The following PTPRT variants were observed in gnomAD, a reference collection of about 807,000 sequenced individuals.
PTPRT encodes protein tyrosine phosphatase receptor type T, also known as receptor-type tyrosine-protein phosphatase T.
A neutral mutation model predicts 176.8 loss-of-function variants in PTPRT; 56 were observed. The observed-to-expected ratio is 0.32, with a 90% CI of 0.26 to 0.40. PTPRT has a LOEUF of 0.40. Among genes scored for constraint, PTPRT ranks in the 10% least tolerant of loss-of-function variants. The probability of loss-of-function intolerance (pLI) is 1.00; values close to 1 mark genes in which losing one functional copy is unlikely to be tolerated. For missense variants in PTPRT, 1,540 were observed against 1,908.2 expected (o/e 0.81, Z 3.60); for synonymous variants, 783 against 739.0 (o/e 1.06, Z -0.96).
chr20:42,560,657 G>C (rs1237152290), intron 7 of PTPRT, among the ~76,000 whole-genome samples: 1 of 152,116 alleles, frequency 6.6e-6, no homozygotes, highest in Admixed American at 6.5e-5. Flanking sequence ...GGGACCCCAA[G>C]GTAAGTGAAT....
intron 6 of PTPRT, among the ~76,000 whole-genome samples, chr20:42,721,880 T>C (rs1463998533): frequency 6.6e-6 from 1 of 152,188 alleles, no homozygotes; most frequent in African/African-American, 2.4e-5. Context: ...TGCCATTTAG[T>C]GATAACCTCC....
chr20:42,951,162 T>A (rs757795899), intron 1 of PTPRT, among the ~76,000 whole-genome samples: 15 of 150,794 alleles, frequency 9.9e-5, no homozygotes, highest in South Asian at 2.1e-4. Flanking sequence ...GATGTGTGGA[T>A]ATATGATAGA....
chr20:42,287,628 A>G (rs1170589438), intron 12 of PTPRT, among the ~76,000 whole-genome samples: 1 of 151,892 alleles, frequency 6.6e-6, no homozygotes, highest in Non-Finnish European at 1.5e-5. Flanking sequence ...GATTATACCT[A>G]GATAGAAGGA....
At chr20:42,053,067 A>T in the PTPRT span, among the ~76,000 whole-genome samples, 1 of 152,206 alleles carries the variant, frequency 6.6e-6, no homozygotes, top group Non-Finnish European at 1.5e-5. Context: ...TTATAAAAAT[A>T]AGTGGCACGC....
intron 6 of PTPRT, among the ~76,000 whole-genome samples, chr20:42,739,925 G>T (rs1460214870): frequency 6.6e-6 from 1 of 152,130 alleles, no homozygotes; most frequent in African/African-American, 2.4e-5. Flanking sequence ...CTATTGAGGG[G>T]AAGGGCTCTT....
intron 16 of PTPRT, among the ~76,000 whole-genome samples, chr20:42,184,582 CTTCTTCTTCT>C (rs1422799140): frequency 3.6e-5 from 5 of 140,698 alleles, no homozygotes; most frequent in African/African-American, 1.3e-4. Context: ...TCTTCTTCTT[CTTCTTCTTCT>C]TCCTCTTCTT....
rs941722091 is a variant in PTPRT, at chr20:42,257,654, C to G, written c.2177-8832G>C. ...TAGCACCTCCCCCCACCCCCCCCCC[C>G]CCGCCCACTACTCTCTCTTGATCCT... On this transcript the variant is annotated intron_variant, in intron 13 of 30. Coordinates refer to ENST00000373187, the MANE Select transcript of PTPRT (RefSeq NM_007050.6). Among the ~76,000 whole-genome samples, 6 of 99,228 alleles carry G rather than the reference C, an allele frequency of 6.0e-5. 1 individual carries two copies. The highest frequency in any genetic ancestry group is 2.6e-4 in the African/African-American group (6 of 22,942). The allele number at this position is 99,228 out of a possible 152,430, so 65.1% of individuals were successfully genotyped here.
intron 27 of PTPRT, among the ~76,000 whole-genome samples, chr20:42,091,292 A>G (rs1984592360): frequency 6.6e-6 from 1 of 152,220 alleles, no homozygotes; most frequent in Non-Finnish European, 1.5e-5. Context: ...GTGATATATA[A>G]CAAATGCAGA....
intron 7 of PTPRT, among the ~76,000 whole-genome samples, chr20:42,666,179 A>G (rs1171703664): frequency 6.6e-6 from 1 of 152,228 alleles, no homozygotes; most frequent in Non-Finnish European, 1.5e-5. Context: ...TAAGTTGTTT[A>G]TAAGACCAAT....
intron 1 of PTPRT, among the ~76,000 whole-genome samples, chr20:42,957,939 T>A (rs1368059491): frequency 6.6e-6 from 1 of 151,742 alleles, no homozygotes; most frequent in Non-Finnish European, 1.5e-5. Context: ...TTTTATCAAT[T>A]AATATTGGGT....
At position 42,106,827 on chromosome 20, in the gene PTPRT, G is replaced by T. The variant is rs776642212; in HGVS notation, c.3349C>A (p.Arg1117Ser). 1.9e-6 allele frequency: 3 copies of T among 1,614,120 alleles called. No homozygotes were observed. The highest frequency in any genetic ancestry group is 2.5e-6 in the Non-Finnish European group (3 of 1,180,024). Residue 1117 changes from arginine (R) to serine (S), a missense_variant, in exon 24 of 31, where the codon CGT becomes AGT. By Grantham distance (110) the Arg-to-Ser change is moderately radical. Coordinates refer to ENST00000373187, the MANE Select transcript of PTPRT (RefSeq NM_007050.6). ...EGVVDIFNCV[R>S]ELRAQRVNLV... The stretch of plus-strand genomic sequence containing the variant: ...TTGACCCTTTGGGCCCGGAGCTCAC[G>T]CACGCAGTTGAAGATGTCCACCACC...
intron 9 of PTPRT, among the ~76,000 whole-genome samples, chr20:42,402,320 A>C (rs2145707782): frequency 6.6e-6 from 1 of 152,110 alleles, no homozygotes; most frequent in South Asian, 2.1e-4. Context: ...GTTATTTGTA[A>C]CCAACCAAGC....
At chr20:42,347,007 G>A (rs2058204516) in intron 11 of PTPRT, among the ~76,000 whole-genome samples, 1 of 152,114 alleles carries the variant, frequency 6.6e-6, no homozygotes, top group Admixed American at 6.6e-5. Context: ...TGACATACCA[G>A]GCAGAGGAAC....
At chr20:42,248,616 A>G in intron 14 of PTPRT, 71 bp downstream of exon 14, 1 of 1,564,278 alleles carries the variant, frequency 6.4e-7, no homozygotes, top group South Asian at 1.2e-5. Context: ...ACAGAGCAAA[A>G]ACCTGGCCAC....
In PTPRT at chr20:42,673,913, T is replaced by G. The variant is rs563305708; in HGVS notation, c.1153+3953A>C. 6.2e-4 allele frequency among the ~76,000 whole-genome samples: 94 copies of G among 152,324 alleles called. 1 individual carries two copies. Among genetic ancestry groups the G allele is most frequent in the African/African-American group, 2.1e-3 (89 of 41,572 alleles). On this transcript the variant is annotated intron_variant, in intron 7 of 30. Coordinates refer to ENST00000373187, the MANE Select transcript of PTPRT (RefSeq NM_007050.6). ...GTTTTTCCTCCATGAAGCATGCTAT[T>G]TCAATGCTTGCCTTTATGTTTTACC...
At chr20:42,296,380 G>T (rs566879062) in intron 12 of PTPRT, among the ~76,000 whole-genome samples, 10 of 151,566 alleles carry the variant, frequency 6.6e-5, no homozygotes, top group African/African-American at 1.9e-4. Flanking sequence ...TGGGAGGCAC[G>T]GTTTGCAGTG....
At chr20:43,070,081 C>A (rs750117977) in intron 1 of PTPRT, among the ~76,000 whole-genome samples, 1 of 152,038 alleles carries the variant, frequency 6.6e-6, no homozygotes, top group South Asian at 2.1e-4. Context: ...TTTCAATGGC[C>A]CAGAATACTT....
Position 42,577,969 on chromosome 20 carries a change from G to GTGTGTGTGTA in PTPRT, c.1153+99896_1153+99897insTACACACACA, listed in dbSNP as rs564005742. On this transcript the variant is annotated intron_variant, in intron 7 of 30. Transcript: ENST00000373187. ...TGTGTGTGTGTGTGTGTGTGTGTGT[G>GTGTGTGTGTA]TAGGCATACCCACATGTGTGTGAAT... 5.3e-3 allele frequency among the ~76,000 whole-genome samples: 747 copies of GTGTGTGTGTA among 140,406 alleles called. 49 individuals are homozygous for GTGTGTGTGTA. Among genetic ancestry groups the GTGTGTGTGTA allele is most frequent in the African/African-American group, 0.019 (679 of 35,826 alleles). 92.1% of individuals were successfully genotyped at this position (140,406 alleles called of 152,430 possible).
At chr20:43,096,751 G>A (rs2146317846) in intron 1 of PTPRT, among the ~76,000 whole-genome samples, 1 of 152,346 alleles carries the variant, frequency 6.6e-6, no homozygotes, top group East Asian at 1.9e-4. Flanking sequence ...CTAGTGCATT[G>A]CAGGGAGCAG....
Sources: allele counts gnomAD v4.1 joint callset (sites outside exome capture counted in the v4.1 genomes callset), GRCh38; gene constraint gnomAD v4.1.1; transcripts MANE v1.5; gene names NCBI Gene and HGNC (gene_info 2026-07-23, HGNC 2026-07-21).